Variants in EML5 observed in about 807,000 individuals in gnomAD.
EML5 encodes EMAP like 5.
In EML5, 120 loss-of-function variants were observed where a neutral mutation model predicts 250.0. The ratio of observed to expected loss-of-function variants is 0.48; its 90% CI spans 0.41 to 0.56. The LOEUF is 0.56. Among genes scored for constraint, EML5 ranks in the 20% least tolerant of loss-of-function variants. The pLI is 0.00. For missense variants in EML5, 2,006 were observed against 2,437.6 expected, an observed-to-expected ratio of 0.82 and a Z score of 3.73; for synonymous variants, 771 against 806.5, an observed-to-expected ratio of 0.96 and a Z score of 0.75.
At chr14:88,687,460 GC>G in intron 18 of EML5, 133 bp from the exon 19 acceptor site, 1 of 618,870 alleles carries the variant, frequency 1.6e-6, no homozygotes, top group South Asian at 2.5e-5. Flanking sequence ...ACAGGAATTA[GC>G]TTAAGAATCC....
At chr14:88,728,174 T>C (rs967443902) in intron 7 of EML5, among the ~76,000 whole-genome samples, 15 of 150,478 alleles carry the variant, frequency 1.0e-4, no homozygotes, top group African/African-American at 3.5e-4. Context: ...CCTATGATAG[T>C]TGCATCTGTA....
At chr14:88,754,696 T>C (rs2094138510) in intron 1 of EML5, 25 bp from the exon 2 acceptor site, 1 of 1,556,242 alleles carries the variant, frequency 6.4e-7, no homozygotes, top group African/African-American at 1.4e-5. Context: ...AATAAATAAG[T>C]AGTATTATTA....
chr14:88,669,798 C>A (rs1439633247), intron 21 of EML5, among the ~76,000 whole-genome samples: 3 of 152,192 alleles, frequency 2.0e-5, no homozygotes, highest in African/African-American at 7.2e-5. Flanking sequence ...GGTGAGACCA[C>A]CCCAACAGGG....
At chr14:88,639,143 A>G (rs2090915160) in intron 31 of EML5, among the ~76,000 whole-genome samples, 1 of 152,242 alleles carries the variant, frequency 6.6e-6, no homozygotes, top group African/African-American at 2.4e-5. Flanking sequence ...CAAGTGCCAC[A>G]AGAGAGTTGG....
intron 1 of EML5, among the ~76,000 whole-genome samples, chr14:88,772,251 A>G (rs1400136519): frequency 6.6e-6 from 1 of 152,194 alleles, no homozygotes; most frequent in Non-Finnish European, 1.5e-5. Context: ...CTGAACCAGC[A>G]TTCATCTTAC....
intron 10 of EML5, among the ~76,000 whole-genome samples, chr14:88,708,199 C>G (rs1035068810): frequency 6.6e-6 from 1 of 152,082 alleles, no homozygotes; most frequent in East Asian, 1.9e-4. Context: ...TTTTTAATAA[C>G]CAGTTTAATT....
chr14:88,743,574 A>G (rs2093958505), intron 4 of EML5, among the ~76,000 whole-genome samples: 1 of 152,104 alleles, frequency 6.6e-6, no homozygotes. Flanking sequence ...CAGTTTTAAA[A>G]TGTGAAAATA....
chr14:88,613,627 G>A lies in EML5; in HGVS notation c.*2191C>T, dbSNP rs766262918. The A allele has an allele frequency of 3.9e-5, 6 of 152,080 alleles. No individual in the cohort carries two copies. The highest frequency in any genetic ancestry group is 5.9e-5 in the Non-Finnish European group (4 of 68,006). The allele number at this position is 152,080 out of a possible 1,614,324, so 9.4% of individuals were successfully genotyped here. On this transcript the variant is annotated 3_prime_UTR_variant, in exon 44 of 44. Transcript: ENST00000554922. Reference sequence around the variant, plus strand: ...CATAAAACATTTGTTGGATGACGTGGTTTAAAATGATCACCACAAAAAGGG... The same window carrying A: ...CATAAAACATTTGTTGGATGACGTGATTTAAAATGATCACCACAAAAAGGG...
chr14:88,745,047 G>C (rs868048598), intron 3 of EML5, among the ~76,000 whole-genome samples: 6 of 151,870 alleles, frequency 4.0e-5, no homozygotes, highest in African/African-American at 1.4e-4. Flanking sequence ...TTTTGTAACG[G>C]GTCTATTTAT....
intron 7 of EML5, among the ~76,000 whole-genome samples, chr14:88,728,112 T>C (rs1462054762): frequency 6.6e-6 from 1 of 152,120 alleles, no homozygotes; most frequent in Non-Finnish European, 1.5e-5. Flanking sequence ...TCTGTATCCA[T>C]GGGTTCTGCA....
At position 88,715,252 on chromosome 14, in the gene EML5, C is replaced by A. The variant is rs1328260331; in HGVS notation, c.1188-57G>T. The A allele has an allele frequency of 2.0e-6, 3 of 1,472,040 alleles. No individual in the cohort carries two copies. The East Asian group carries it at 7.3e-5, about 36-fold the overall frequency. The allele number at this position is 1,472,040 out of a possible 1,614,324, so 91.2% of individuals were successfully genotyped here. A position where few individuals can be genotyped will look rare whatever the true frequency, so the allele number is the denominator to read the frequency against. ...ACAGAAGTCACAACAGAATTAATGC[C>A]GTTTCAAACATGTCTAAAATGACCG... On this transcript the variant is annotated intron_variant, in intron 8 of 43. Transcript: ENST00000554922.
chr14:88,667,599 C>T (rs1027870439), intron 21 of EML5, among the ~76,000 whole-genome samples: 4 of 152,104 alleles, frequency 2.6e-5, no homozygotes, highest in Non-Finnish European at 5.9e-5. Flanking sequence ...CCAAATCTGC[C>T]ACTTTGGGCC....
rs1358112900 is a variant in EML5, at chr14:88,688,362, G to A, written c.2651C>T (p.Thr884Ile). 4 of 1,613,842 alleles carry A rather than the reference G, an allele frequency of 2.5e-6. No individual in the cohort carries two copies. Among genetic ancestry groups the A allele is most frequent in the Non-Finnish European group, 3.4e-6 (4 of 1,179,898 alleles). Reference protein sequence around the residue: ...TEEMAFSGTSTGDVCIWRDIF... With the variant: ...TEEMAFSGTSIGDVCIWRDIF... ...GTCTCTCCAGATACACACATCTCCT[G>A]TGGATGTTCCAGAAAAAGCCATCTC... Residue 884 changes from threonine (T) to isoleucine (I), a missense_variant, in exon 18 of 44, where the codon ACA becomes ATA. By Grantham distance (89) the Thr-to-Ile change is moderately conservative. Around this residue, in one of 7 missense-constraint regions of EML5, gnomAD observed 1,375 missense variants for 1,590.3 expected, o/e 0.86. Coordinates refer to ENST00000554922, the MANE Select transcript of EML5 (RefSeq NM_183387.3).
Position 88,661,645 on chromosome 14 carries a change from A to C in EML5, c.3675+9T>G. ...ATGATCATTAGGAAAGTTAAAGAAAAACACATACTTTAGTAGGATATCTAA... is the reference window on the plus strand; with the variant it reads ...ATGATCATTAGGAAAGTTAAAGAAACACACATACTTTAGTAGGATATCTAA... On this transcript the variant is annotated intron_variant, in intron 25 of 43. Coordinates refer to ENST00000554922, the MANE Select transcript of EML5 (RefSeq NM_183387.3). 1.9e-6 allele frequency: 3 copies of C among 1,605,194 alleles called. No individual in the cohort carries two copies. The highest frequency in any genetic ancestry group is 2.6e-6 in the Non-Finnish European group (3 of 1,175,236).
chr14:88,679,135 A>G (rs1372702433), intron 21 of EML5, among the ~76,000 whole-genome samples: 1 of 149,682 alleles, frequency 6.7e-6, no homozygotes, highest in Non-Finnish European at 1.5e-5. Flanking sequence ...TAAGGACATC[A>G]GTCACTGGAT....
chr14:88,737,266 G>C (rs1191676737), intron 6 of EML5, among the ~76,000 whole-genome samples: 1 of 152,214 alleles, frequency 6.6e-6, no homozygotes, highest in Admixed American at 6.5e-5. Flanking sequence ...TTAACATGCT[G>C]TAACACCCCC....
intron 7 of EML5, among the ~76,000 whole-genome samples, chr14:88,730,547 T>C (rs2140134165): frequency 6.6e-6 from 1 of 152,298 alleles, no homozygotes; most frequent in South Asian, 2.1e-4. Flanking sequence ...TTGAGAATAT[T>C]GGGAACACTA....
At chr14:88,757,339 C>G (rs2094174725) in intron 1 of EML5, among the ~76,000 whole-genome samples, 2 of 151,994 alleles carry the variant, frequency 1.3e-5, no homozygotes. Context: ...CAAAATGGAT[C>G]AGAAGCTAAA....
rs141691286 is a variant in EML5, at chr14:88,655,425, T to C, written c.4004+1951A>G. On this transcript the variant is annotated intron_variant, in intron 27 of 43. Transcript: ENST00000554922. Reference sequence around the variant, plus strand: ...GTGTTGGGGAAACTAGCTACCCGTATGTAGAAAACTGAAACTGGACCCCTT... The same window carrying C: ...GTGTTGGGGAAACTAGCTACCCGTACGTAGAAAACTGAAACTGGACCCCTT... 3.3e-5 allele frequency among the ~76,000 whole-genome samples: 5 copies of C among 152,302 alleles called. No homozygotes were observed. In the East Asian group the frequency reaches 9.6e-4, roughly 29 times the overall value.
Sources: gnomAD v4.1 joint callset for allele counts (sites outside exome capture counted in the v4.1 genomes callset) on GRCh38, gnomAD v4.1.1 for gene constraint, gnomAD v4.1.1 regional missense constraint, MANE v1.5 for transcripts, NCBI Gene and HGNC (gene_info 2026-07-23, HGNC 2026-07-21) for gene names.